The following MYO1F variants were observed in gnomAD, a reference collection of about 807,000 sequenced individuals.
MYO1F encodes the protein myosin IF.
A neutral mutation model predicts 146.6 loss-of-function variants in MYO1F; 60 were observed. The ratio of observed to expected loss-of-function variants is 0.41; its 90% CI spans 0.33 to 0.51. The LOEUF is 0.51. MYO1F is among the 20% of genes least tolerant of loss of function. The pLI is 0.25. For synonymous variants in MYO1F, 602 were observed against 602.1 expected (o/e 1.00, Z 0.00); for missense variants, 1,274 against 1,534.3 (o/e 0.83, Z 2.83).
In MYO1F at chr19:8,536,482, G is replaced by T; in HGVS notation, c.1898+17C>A. ...TGATGAAGGGGATGGCGAGGGCGGG[G>T]GTGGAGGGCTCCTCACCTCTGCAGG... On this transcript the variant is annotated intron_variant, in intron 18 of 27. Transcript: ENST00000644032. The T allele has an allele frequency of 6.2e-7, 1 of 1,612,398 alleles. No individual in the cohort carries two copies. Among genetic ancestry groups the T allele is most frequent in the Non-Finnish European group, 8.5e-7 (1 of 1,179,244 alleles).
chr19:8,560,368 C>T (rs1022954606), intron 1 of MYO1F, among the ~76,000 whole-genome samples: 7 of 151,554 alleles, frequency 4.6e-5, no homozygotes, highest in African/African-American at 1.7e-4. Context: ...GCCTGTAATC[C>T]CAGCTACTCA....
At chr19:8,524,416 CAAAA>C (rs777339567) in intron 25 of MYO1F, among the ~76,000 whole-genome samples, 6 of 83,494 alleles carry the variant, frequency 7.2e-5, no homozygotes, top group Non-Finnish European at 4.7e-5. Flanking sequence ...GACTCTGTCT[CAAAA>C]AAAAAAAAAA....
intron 16 of MYO1F, 70 bp from the exon 17 acceptor site, chr19:8,537,125 C>T (rs1008236242): frequency 7.7e-6 from 8 of 1,036,860 alleles, no homozygotes; most frequent in South Asian, 1.3e-5. Context: ...CTTTTTTCCA[C>T]CCTGGATACA....
chr19:8,522,908 A>G, intron 25 of MYO1F, 79 bp from the exon 26 acceptor site: 1 of 1,256,914 alleles, frequency 8.0e-7, no homozygotes, highest in Non-Finnish European at 1.1e-6. Flanking sequence ...TCAAGTTCTC[A>G]GGCTGAGGGA....
intron 1 of MYO1F, among the ~76,000 whole-genome samples, chr19:8,574,798 C>G (rs1446892383): frequency 6.8e-6 from 1 of 147,952 alleles, no homozygotes; most frequent in Non-Finnish European, 1.5e-5. Flanking sequence ...CTCTGTGGCC[C>G]AGGCTGGAGT....
At position 8,560,742 on chromosome 19, in the gene MYO1F, A is replaced by ATTT. The variant is rs71175875; in HGVS notation, c.4-4949_4-4947dup. 1.7e-4 allele frequency among the ~76,000 whole-genome samples: 23 copies of ATTT among 133,900 alleles called. 1 individual carries two copies. The highest frequency in any genetic ancestry group is 2.5e-4 in the South Asian group (1 of 4,074). The allele number at this position is 133,900 out of a possible 152,430, so 87.8% of individuals were successfully genotyped here. On this transcript the variant is annotated intron_variant, in intron 1 of 27. Transcript: ENST00000644032. ...AGGCACATGCCACCACGCCTGGCTA[A>ATTT]TTTTTTTTTTTTTTGAGACAGAGTC...
chr19:8,573,851 G>GAAACA (rs2042154341), intron 1 of MYO1F, among the ~76,000 whole-genome samples: 1 of 151,890 alleles, frequency 6.6e-6, no homozygotes, highest in South Asian at 2.1e-4. Context: ...CTCTGTCTCA[G>GAAACA]AAACAAAACA....
Position 8,521,297 on chromosome 19 carries a change from A to C in MYO1F, c.*231T>G. The C allele has an allele frequency of 1.7e-6, 1 of 581,108 alleles. No homozygotes were observed. Among genetic ancestry groups the C allele is most frequent in the Non-Finnish European group, 3.1e-6 (1 of 322,276 alleles). 36.0% of individuals were successfully genotyped at this position (581,108 alleles called of 1,614,324 possible). The stretch of plus-strand genomic sequence containing the variant: ...GTTAGTCCCCTTTGACACACACAGA[A>C]ATGGAGAATGGGCAGCAGGTGTGAT... On this transcript the variant is annotated 3_prime_UTR_variant, in exon 28 of 28. Transcript: ENST00000644032.
rs763040772 is a variant in MYO1F at position 8,525,491 on chromosome 19, C to T, written c.2842G>A (p.Ala948Thr). 6.2e-7 allele frequency: 1 copy of T among 1,613,320 alleles called. No individual in the cohort carries two copies. Among genetic ancestry groups the T allele is most frequent in the Non-Finnish European group, 8.5e-7 (1 of 1,179,832 alleles). Residue 948 changes from alanine to threonine, a missense_variant, in exon 25 of 28, where the codon GCG becomes ACG. By Grantham distance (58) the Ala-to-Thr change is moderately conservative. Transcript: ENST00000644032. ...SSQAPTRAAP[A>T]PPRGMDRNGV... ...CGCAGCTCCTCACCTCTGGGGGGCG[C>T]AGGGGCCGCCCGGGTAGGGGCTTGG... is the stretch of plus-strand genomic sequence containing the variant.
chr19:8,540,712 CAA>C (rs930566549), intron 15 of MYO1F, among the ~76,000 whole-genome samples: 32 of 76,316 alleles, frequency 4.2e-4, no homozygotes, highest in Admixed American at 4.3e-4. Flanking sequence ...ACACTGTCTC[CAA>C]AAAAAAAAAA....
In MYO1F at chr19:8,536,194, T is replaced by G. The variant is rs566600644; in HGVS notation, c.2043+58A>C. ...CTCTCTCTCTCTCTCTCAGTCCCTC[T>G]CTATACCTTTCTCTCTCTTCCCCTC... On this transcript the variant is annotated intron_variant, in intron 19 of 27. Transcript: ENST00000644032. The G allele has an allele frequency of 2.5e-5, 40 of 1,586,712 alleles. No individual in the cohort carries two copies. In the African/African-American group the frequency reaches 3.9e-4, roughly 15 times the overall value.
intron 1 of MYO1F, among the ~76,000 whole-genome samples, chr19:8,570,429 T>G (rs552143488): frequency 1.3e-5 from 2 of 151,478 alleles, no homozygotes; most frequent in East Asian, 2.0e-4. Context: ...GTGAGTGCAG[T>G]GGCATGACCT....
chr19:8,534,293 C>T (rs1447581152), intron 19 of MYO1F, among the ~76,000 whole-genome samples: 1 of 151,780 alleles, frequency 6.6e-6, no homozygotes, highest in African/African-American at 2.4e-5. Flanking sequence ...ACAGTTAAAC[C>T]GTTGGCTATT....
At chr19:8,522,251 T>C in intron 27 of MYO1F, 126 bp downstream of exon 27, 2 of 1,192,902 alleles carry the variant, frequency 1.7e-6, no homozygotes, top group Non-Finnish European at 2.4e-6. Flanking sequence ...CTCGATCTCC[T>C]GACCTCGTGA....
rs79734627 is a variant in MYO1F, at chr19:8,555,800, G to T, written c.4-4C>A. The T allele has an allele frequency of 2.6e-4, 412 of 1,610,734 alleles. 1 individual carries two copies. The African/African-American group carries it at 4.8e-3, about 19-fold the overall frequency. On this transcript the variant is annotated splice_region_variant and splice_polypyrimidine_tract_variant and intron_variant, in intron 1 of 27. Coordinates refer to ENST00000644032, the MANE Select transcript of MYO1F (RefSeq NM_012335.4). ...AGTGGAAGCGCTCCTTGCTGCCCTG[G>T]GGGGTGAGAGGGGGGTCGGGGTGAG...
intron 1 of MYO1F, among the ~76,000 whole-genome samples, chr19:8,574,148 GAAC>G (rs1358915367): frequency 6.6e-6 from 1 of 151,726 alleles, no homozygotes; most frequent in African/African-American, 2.4e-5. Flanking sequence ...CACCACCAAC[GAAC>G]AACATTAAAC....
At position 8,530,377 on chromosome 19, in the gene MYO1F, G is replaced by C; in HGVS notation, c.2159-12C>G. On this transcript the variant is annotated splice_polypyrimidine_tract_variant and intron_variant, in intron 20 of 27. Transcript: ENST00000644032. This position sits in a 1 kb window ranked among gnomAD's most constrained non-coding sequence, Gnocchi z 5.8. ...CAGGATGTTGGAAGCTGCGGGGACA[G>C]AGGGTGGAGGGCAGAGCTCCTGATA... 1.2e-6 allele frequency: 2 copies of C among 1,614,096 alleles called. No individual in the cohort carries two copies. Among genetic ancestry groups the C allele is most frequent in the East Asian group, 2.2e-5 (1 of 44,884 alleles).
At chr19:8,538,856 A>G (rs1301065527) in intron 16 of MYO1F, among the ~76,000 whole-genome samples, 2 of 152,162 alleles carry the variant, frequency 1.3e-5, no homozygotes, top group Non-Finnish European at 2.9e-5. Context: ...AGGGACTTGG[A>G]AAGCAGATAG....
intron 10 of MYO1F, 83 bp from the exon 11 acceptor site, chr19:8,548,400 A>C (rs1015118854): frequency 1.0e-5 from 13 of 1,292,738 alleles, no homozygotes; most frequent in Non-Finnish European, 1.4e-5. Flanking sequence ...ACACACGCCT[A>C]GCCAACTTCA....
Sources: gnomAD v4.1 joint callset for allele counts (sites outside exome capture counted in the v4.1 genomes callset) on GRCh38, gnomAD v4.1.1 for gene constraint, Gnocchi (gnomAD v3.1) non-coding constraint, MANE v1.5 for transcripts, NCBI Gene and HGNC (gene_info 2026-07-23, HGNC 2026-07-21) for gene names.